Variants in SPARCL1 observed in about 807,000 individuals in gnomAD.
SPARCL1 encodes the protein SPARC like 1.
A neutral mutation model predicts 67.1 loss-of-function variants in SPARCL1; 52 were observed. The observed-to-expected ratio is 0.78, with a 90% CI of 0.62 to 0.98. The LOEUF is 0.98. SPARCL1 is among the 50% of genes least tolerant of loss of function. SPARCL1 has a pLI of 0.00. For synonymous variants in SPARCL1, 226 were observed against 267.8 expected, an observed-to-expected ratio of 0.84 and a Z score of 1.52; for missense variants, 717 against 782.4, an observed-to-expected ratio of 0.92 and a Z score of 1.00.
chr4:87,500,353 C>T (rs7690188), intron 1 of SPARCL1, among the ~76,000 whole-genome samples: 32,475 of 151,906 alleles, frequency 0.21, 5,114 homozygotes, highest in African/African-American at 0.45. Flanking sequence ...AGTTTAGAAA[C>T]GAGACAAGTG....
At chr4:87,503,682 C>CTTTT (rs375553104) in intron 1 of SPARCL1, among the ~76,000 whole-genome samples, 14 of 132,258 alleles carry the variant, frequency 1.1e-4, no homozygotes, top group Admixed American at 1.0e-3. Flanking sequence ...TTTTTTTTTT[C>CTTTT]CTTTTTTTTT....
chr4:87,520,803 A>G (rs867438881), intron 1 of SPARCL1, among the ~76,000 whole-genome samples: 45 of 152,374 alleles, frequency 3.0e-4, no homozygotes, highest in African/African-American at 9.9e-4. Context: ...CAGCCAAGCC[A>G]TCAGAGATTG....
At chr4:87,495,805 C>T (rs953938987) in intron 2 of SPARCL1, among the ~76,000 whole-genome samples, 4 of 152,090 alleles carry the variant, frequency 2.6e-5, no homozygotes, top group African/African-American at 9.7e-5. Flanking sequence ...GTGGTGGGTG[C>T]CTGTAATCGC....
intron 10 of SPARCL1, among the ~76,000 whole-genome samples, chr4:87,476,116 A>G (rs1231768369): frequency 6.6e-6 from 1 of 152,138 alleles, no homozygotes; most frequent in Non-Finnish European, 1.5e-5. Flanking sequence ...CGTATCTAAA[A>G]TGGAATTTGT....
intron 6 of SPARCL1, 128 bp downstream of exon 6, chr4:87,490,632 A>G: frequency 1.3e-6 from 1 of 767,010 alleles, no homozygotes; most frequent in Non-Finnish European, 2.1e-6. Context: ...GATGTTCCAA[A>G]TATCCCAAAT....
chr4:87,478,490 T>C (rs1035146655), intron 10 of SPARCL1, among the ~76,000 whole-genome samples: 9 of 150,540 alleles, frequency 6.0e-5, no homozygotes, highest in African/African-American at 2.2e-4. Flanking sequence ...CAGGCTGGAG[T>C]GCAGTGTTGG....
intron 1 of SPARCL1, among the ~76,000 whole-genome samples, chr4:87,507,602 C>T (rs1725151345): frequency 6.6e-6 from 1 of 152,210 alleles, no homozygotes; most frequent in Non-Finnish European, 1.5e-5. Context: ...ACACAGAAGA[C>T]TTCTGTGACC....
intron 1 of SPARCL1, among the ~76,000 whole-genome samples, chr4:87,503,793 C>A (rs1471891364): frequency 6.6e-6 from 1 of 151,190 alleles, no homozygotes; most frequent in Non-Finnish European, 1.5e-5. Flanking sequence ...ATTCTCATGC[C>A]TCAGCCTCCC....
chr4:87,481,817 A>G (rs4563465), intron 8 of SPARCL1, among the ~76,000 whole-genome samples: 105,448 of 152,106 alleles, frequency 0.69, 37,686 homozygotes, highest in African/African-American at 0.86. Flanking sequence ...CATTACATAC[A>G]CACACACATA....
intron 1 of SPARCL1, among the ~76,000 whole-genome samples, chr4:87,508,889 G>GTGTATATATATA (rs1300541882): frequency 7.2e-6 from 1 of 138,360 alleles, no homozygotes; most frequent in African/African-American, 2.7e-5. Context: ...ATGTATATAA[G>GTGTATATATATA]TATATATATA....
intron 7 of SPARCL1, among the ~76,000 whole-genome samples, chr4:87,486,816 G>A (rs954662354): frequency 1.4e-5 from 2 of 144,942 alleles, no homozygotes; most frequent in African/African-American, 2.6e-5. Flanking sequence ...ATTATGTGAT[G>A]CCCTTCTTTG....
chr4:87,481,650 CCTT>C (rs1281239772), intron 8 of SPARCL1, among the ~76,000 whole-genome samples: 2 of 152,196 alleles, frequency 1.3e-5, no homozygotes, highest in South Asian at 2.1e-4. Context: ...TGCACACCCT[CCTT>C]CTTGTTTTAT....
chr4:87,504,388 GTTTAC>G (rs952495377), intron 1 of SPARCL1, among the ~76,000 whole-genome samples: 4 of 152,192 alleles, frequency 2.6e-5, no homozygotes, highest in Middle Eastern at 3.4e-3. Context: ...TGGAATGGGT[GTTTAC>G]TTTATTTAGA....
At chr4:87,501,148 C>G (rs974264307) in intron 1 of SPARCL1, among the ~76,000 whole-genome samples, 1 of 152,138 alleles carries the variant, frequency 6.6e-6, no homozygotes, top group Admixed American at 6.5e-5. Flanking sequence ...GGAAATCCCT[C>G]GTGTCCATTT....
intron 7 of SPARCL1, among the ~76,000 whole-genome samples, chr4:87,485,972 C>T (rs1724039632): frequency 6.6e-6 from 1 of 151,848 alleles, no homozygotes; most frequent in Non-Finnish European, 1.5e-5. Flanking sequence ...CTCTATTAGT[C>T]TGGCTAGCTG....
chr4:87,524,305 A>G (rs1285833506), intron 1 of SPARCL1, among the ~76,000 whole-genome samples: 1 of 152,176 alleles, frequency 6.6e-6, no homozygotes, highest in African/African-American at 2.4e-5. Context: ...TATTCATTAT[A>G]TTTGACTCAC....
At chr4:87,481,872 C>A (rs1723836269) in intron 8 of SPARCL1, among the ~76,000 whole-genome samples, 1 of 152,142 alleles carries the variant, frequency 6.6e-6, no homozygotes, top group South Asian at 2.1e-4. Flanking sequence ...AGAATGTAAA[C>A]TCATGAAGGC....
chr4:87,478,862 G>T (rs1218944076), intron 10 of SPARCL1, among the ~76,000 whole-genome samples: 1 of 152,106 alleles, frequency 6.6e-6, no homozygotes, highest in African/African-American at 2.4e-5. Context: ...TTCCTCCACT[G>T]CAGGAGTAAA....
In SPARCL1 at chr4:87,490,891, A is replaced by T. The variant is rs765969060; in HGVS notation, c.1292-13T>A. 2 of 1,470,578 alleles carry T rather than the reference A, an allele frequency of 1.4e-6. No homozygotes were observed. The highest frequency in any genetic ancestry group is 4.6e-5 in the East Asian group (2 of 43,420). The allele number at this position is 1,470,578 out of a possible 1,614,324, so 91.1% of individuals were successfully genotyped here. On this transcript the variant is annotated splice_polypyrimidine_tract_variant and intron_variant, in intron 5 of 10. Transcript: ENST00000282470. The stretch of plus-strand genomic sequence containing the variant: ...CTCATGCAAGAATCTAACAGAAAAG[A>T]TTGGGCAGGAAGCATGGACAAAGTT...
Sources: gnomAD v4.1 joint callset for allele counts (sites outside exome capture counted in the v4.1 genomes callset) on GRCh38, gnomAD v4.1.1 for gene constraint, MANE v1.5 for transcripts, NCBI Gene and HGNC (gene_info 2026-07-23, HGNC 2026-07-21) for gene names.